The following ASB4 variants were observed in gnomAD, a reference collection of about 807,000 sequenced individuals.
ASB4 encodes the protein ankyrin repeat and SOCS box protein 4.
Under a neutral mutation model 38.6 loss-of-function variants are expected in ASB4, and 35 were observed. That is an observed-to-expected ratio of 0.91 (90% confidence interval 0.69 to 1.20). ASB4 has a LOEUF of 1.20. ASB4 is among the 50% of genes most tolerant of loss of function. The probability of loss-of-function intolerance (pLI) is 0.00; values close to 1 mark genes in which losing one functional copy is unlikely to be tolerated. For synonymous variants in ASB4, 195 were observed against 201.3 expected (o/e 0.97, Z 0.26); for missense variants, 557 against 527.2 (o/e 1.06, Z -0.55).
At chr7:95,490,773 G>A (rs995418780) in intron 1 of ASB4, among the ~76,000 whole-genome samples, 1 of 152,198 alleles carries the variant, frequency 6.6e-6, no homozygotes, top group African/African-American at 2.4e-5. Flanking sequence ...CCAGCTATTG[G>A]GGCATATCTC....
chr7:95,529,595 C>T (rs1790790909), intron 3 of ASB4, among the ~76,000 whole-genome samples: 1 of 152,134 alleles, frequency 6.6e-6, no homozygotes, highest in Non-Finnish European at 1.5e-5. Context: ...TAGGAATTTT[C>T]TCTTGGTTAT....
At chr7:95,524,122 C>T (rs997231856) in intron 2 of ASB4, among the ~76,000 whole-genome samples, 1 of 152,182 alleles carries the variant, frequency 6.6e-6, no homozygotes, top group African/African-American at 2.4e-5. Context: ...CCCAGCAATT[C>T]CACTCATAGA....
At chr7:95,500,794 C>CACTT (rs927884444) in intron 2 of ASB4, among the ~76,000 whole-genome samples, 4 of 152,100 alleles carry the variant, frequency 2.6e-5, no homozygotes, top group Non-Finnish European at 2.9e-5. Context: ...TTCTATGAAT[C>CACTT]ACTTACTTTG....
At position 95,538,967 on chromosome 7, in the gene ASB4, T is replaced by G. The variant is rs1019810134; in HGVS notation, c.*1208T>G. 1 of 152,102 alleles carries G rather than the reference T, an allele frequency of 6.6e-6. No individual in the cohort carries two copies. The highest frequency in any genetic ancestry group is 6.5e-5 in the Admixed American group (1 of 15,274). The allele number at this position is 152,102 out of a possible 1,614,324, so 9.4% of individuals were successfully genotyped here. A position where few individuals can be genotyped will look rare whatever the true frequency, so the allele number is the denominator to read the frequency against. ...TAAAAGTTTGAGAAACTTGGGAAGA[T>G]TAGTGTGTTAATCAGGCTTGCTAGT... On this transcript the variant is annotated 3_prime_UTR_variant, in exon 5 of 5. Transcript: ENST00000325885.
chr7:95,497,806 C>T (rs1206278667), intron 2 of ASB4, among the ~76,000 whole-genome samples: 3 of 152,156 alleles, frequency 2.0e-5, no homozygotes, highest in Non-Finnish European at 4.4e-5. Context: ...AGTCTGGTTT[C>T]TCTCACTTAG....
At chr7:95,493,535 C>T (rs557644719) in intron 1 of ASB4, among the ~76,000 whole-genome samples, 1 of 152,164 alleles carries the variant, frequency 6.6e-6, no homozygotes, top group East Asian at 1.9e-4. Flanking sequence ...ATTTTTTCCC[C>T]TCTGGACAGA....
At chr7:95,506,912 G>C (rs1396055458) in intron 2 of ASB4, among the ~76,000 whole-genome samples, 1 of 151,686 alleles carries the variant, frequency 6.6e-6, no homozygotes, top group Non-Finnish European at 1.5e-5. Context: ...TCCCTGGACT[G>C]TTTCTCTAAT....
chr7:95,531,349 C>T (rs1023531670), intron 3 of ASB4, among the ~76,000 whole-genome samples: 2 of 152,196 alleles, frequency 1.3e-5, no homozygotes, highest in African/African-American at 2.4e-5. Context: ...ATACAGCTCA[C>T]TTCACAAAGC....
At chr7:95,521,555 C>G (rs1441702961) in intron 2 of ASB4, among the ~76,000 whole-genome samples, 1 of 151,722 alleles carries the variant, frequency 6.6e-6, no homozygotes, top group Non-Finnish European at 1.5e-5. Context: ...CTATTTCTTC[C>G]TCTCAAGTAA....
chr7:95,539,831 C>A lies in ASB4; in HGVS notation c.*2072C>A, dbSNP rs1790945857. On this transcript the variant is annotated 3_prime_UTR_variant, in exon 5 of 5. Transcript: ENST00000325885. ...TGCACTAAAATCTCAAAATTCACCA[C>A]TAAAGAATGTATCCATGTAACCAAA... The A allele has an allele frequency of 6.6e-6, 1 of 152,120 alleles. No individual in the cohort carries two copies. The highest frequency in any genetic ancestry group is 1.5e-5 in the Non-Finnish European group (1 of 68,032). The allele number at this position is 152,120 out of a possible 1,614,324, so 9.4% of individuals were successfully genotyped here. A position where few individuals can be genotyped will look rare whatever the true frequency, so the allele number is the denominator to read the frequency against.
upstream of ASB4, among the ~76,000 whole-genome samples, chr7:95,483,018 A>G (rs1280457517): frequency 2.6e-5 from 4 of 152,216 alleles, no homozygotes; most frequent in African/African-American, 9.6e-5. Flanking sequence ...AGATGGCACA[A>G]TAGAAGATGA....
At chr7:95,509,119 G>T (rs1311052614) in intron 2 of ASB4, among the ~76,000 whole-genome samples, 2 of 152,156 alleles carry the variant, frequency 1.3e-5, no homozygotes, top group African/African-American at 4.8e-5. Flanking sequence ...AGGAATTTTT[G>T]AGGTGAGGAG....
At chr7:95,480,964 G>GA (rs1011883196), upstream of ASB4, among the ~76,000 whole-genome samples, 3 of 152,040 alleles carry the variant, frequency 2.0e-5, no homozygotes, top group Admixed American at 6.6e-5. Flanking sequence ...TAATTAACCT[G>GA]AAAAAAACCA....
chr7:95,537,831 T>G lies in ASB4; in HGVS notation c.*72T>G, dbSNP rs567577566. 298 of 1,348,660 alleles carry G rather than the reference T, an allele frequency of 2.2e-4. No individual in the cohort carries two copies. Among genetic ancestry groups the G allele is most frequent in the Non-Finnish European group, 2.9e-4 (282 of 970,826 alleles). 83.5% of individuals were successfully genotyped at this position (1,348,660 alleles called of 1,614,324 possible). On this transcript the variant is annotated 3_prime_UTR_variant, in exon 5 of 5. Transcript: ENST00000325885. Reference sequence around the variant, plus strand: ...GCTGGGTAGACACAGTTTGCCTAAATAAAATGGTACTTGGGTTGATTATAA... The same window carrying G: ...GCTGGGTAGACACAGTTTGCCTAAAGAAAATGGTACTTGGGTTGATTATAA...
chr7:95,533,286 T>C (rs939697059), intron 3 of ASB4, among the ~76,000 whole-genome samples: 1 of 152,210 alleles, frequency 6.6e-6, no homozygotes, highest in Non-Finnish European at 1.5e-5. Context: ...GTAGTAAAGA[T>C]GATATTCTGA....
intron 2 of ASB4, among the ~76,000 whole-genome samples, chr7:95,521,214 G>C (rs1204967537): frequency 6.6e-6 from 1 of 151,942 alleles, no homozygotes; most frequent in Non-Finnish European, 1.5e-5. Context: ...ATAAAGAAAT[G>C]TTTCCTTTTT....
chr7:95,496,970 A>G (rs947176330), intron 2 of ASB4, among the ~76,000 whole-genome samples: 1 of 152,192 alleles, frequency 6.6e-6, no homozygotes, highest in Admixed American at 6.5e-5. Flanking sequence ...AATTGCTAAG[A>G]GAGCAATAAA....
chr7:95,505,563 T>C (rs1479109283), intron 2 of ASB4, among the ~76,000 whole-genome samples: 1 of 152,102 alleles, frequency 6.6e-6, no homozygotes, highest in Non-Finnish European at 1.5e-5. Flanking sequence ...AATTACTAAA[T>C]AAATACCATT....
intron 2 of ASB4, among the ~76,000 whole-genome samples, chr7:95,518,857 A>T (rs1005418359): frequency 3.3e-5 from 5 of 152,108 alleles, no homozygotes; most frequent in Admixed American, 6.5e-5. Flanking sequence ...GGACAGAGAT[A>T]AAAGGAAGAC....
Sources: gnomAD v4.1 joint callset for allele counts (sites outside exome capture counted in the v4.1 genomes callset) on GRCh38, gnomAD v4.1.1 for gene constraint, MANE v1.5 for transcripts, NCBI Gene and HGNC (gene_info 2026-07-23, HGNC 2026-07-21) for gene names.